CADPS: variants seen among roughly 807,000 people sequenced by gnomAD.
CADPS encodes calcium-dependent secretion activator 1.
Under a neutral mutation model 167.3 loss-of-function variants are expected in CADPS, and 57 were observed. That is an observed-to-expected ratio of 0.34 (90% CI 0.28 to 0.42). The LOEUF (loss-of-function observed/expected upper bound fraction) is 0.42, where lower values mean the gene tolerates loss of function less well. CADPS is among the 20% of genes least tolerant of loss of function. The pLI is 1.00. For synonymous variants in CADPS, 676 were observed against 635.3 expected, an observed-to-expected ratio of 1.06 and a Z score of -0.96; for missense variants, 1,414 against 1,738.1, an observed-to-expected ratio of 0.81 and a Z score of 3.32.
At chr3:62,439,787 T>G (rs2055924857) in intron 27 of CADPS, 1 of 152,108 alleles carries the variant, frequency 6.6e-6, no homozygotes, top group Non-Finnish European at 1.5e-5. Context: ...AGGTACAAAG[T>G]CAAGTGCGGC....
intron 8 of CADPS, 121 bp from the exon 9 acceptor site, chr3:62,571,059 C>T (rs985782050): frequency 2.1e-5 from 15 of 718,828 alleles, no homozygotes; most frequent in Admixed American, 4.7e-5. Flanking sequence ...AGGAACGGGG[C>T]GCAGATTTTG....
chr3:62,828,416 C>T (rs1039543083), intron 1 of CADPS, among the ~76,000 whole-genome samples: 7 of 152,066 alleles, frequency 4.6e-5, no homozygotes, highest in Non-Finnish European at 8.8e-5. Flanking sequence ...TGGGCAAAAA[C>T]GTGGAACTAC....
At chr3:62,621,808 T>G (rs13319381) in intron 6 of CADPS, among the ~76,000 whole-genome samples, 3,101 of 152,158 alleles carry the variant, frequency 0.02, 99 homozygotes, top group African/African-American at 0.07. Context: ...TTCCCATCAT[T>G]TAGCTCCCAC....
chr3:62,703,157 A>G (rs1580764177), intron 3 of CADPS, among the ~76,000 whole-genome samples: 1 of 152,204 alleles, frequency 6.6e-6, no homozygotes, highest in East Asian at 1.9e-4. Flanking sequence ...AGAATTATTT[A>G]CAAGCTATTA....
rs2073614307 is a variant in CADPS at position 62,662,912 on chromosome 3, C to T, written c.889-518G>A. On this transcript the variant is annotated intron_variant, in intron 3 of 29. Transcript: ENST00000383710. ...TACCAGCCCTCCAGATGGCTACTTC[C>T]AATCAGCTGGTGTTGATATCTAAGT... Among the ~76,000 whole-genome samples the T allele has an allele frequency of 2.6e-5, 4 of 152,270 alleles. No individual in the cohort carries two copies. In the South Asian group the frequency reaches 8.3e-4, roughly 32 times the overall value.
chr3:62,529,901 G>A (rs763362816), intron 13 of CADPS, among the ~76,000 whole-genome samples: 1 of 152,184 alleles, frequency 6.6e-6, no homozygotes, highest in African/African-American at 2.4e-5. Flanking sequence ...TAAAATGTCA[G>A]TGTTAATTTT....
intron 9 of CADPS, among the ~76,000 whole-genome samples, chr3:62,569,867 T>G (rs2080972347): frequency 6.6e-6 from 1 of 152,242 alleles, no homozygotes; most frequent in South Asian, 2.1e-4. Context: ...ACTGGAAAAC[T>G]TTGTAAACTG....
chr3:62,606,408 G>C (rs540793526), intron 6 of CADPS, among the ~76,000 whole-genome samples: 42 of 152,034 alleles, frequency 2.8e-4, no homozygotes, highest in Non-Finnish European at 5.7e-4. Context: ...TTTATAAAAA[G>C]AGGAAAAGAG....
chr3:62,552,890 C>G (rs1202532686), intron 10 of CADPS, among the ~76,000 whole-genome samples: 1 of 151,964 alleles, frequency 6.6e-6, no homozygotes, highest in Admixed American at 6.6e-5. Context: ...TTTAAAATAC[C>G]TAATTTGAGT....
chr3:62,717,461 C>T (rs1039180984), intron 3 of CADPS, among the ~76,000 whole-genome samples: 30 of 152,086 alleles, frequency 2.0e-4, no homozygotes, highest in East Asian at 3.9e-4. Flanking sequence ...ATTTTGACTC[C>T]GCCCTCCTCC....
Position 62,874,532 on chromosome 3 carries a change from C to T in CADPS, c.441+57G>A, listed in dbSNP as rs1353326820. 19 of 1,378,610 alleles carry T rather than the reference C, an allele frequency of 1.4e-5. No individual in the cohort carries two copies. In the Admixed American group the frequency reaches 3.5e-4, roughly 25 times the overall value. The allele number at this position is 1,378,610 out of a possible 1,614,324, so 85.4% of individuals were successfully genotyped here. ...CTGCGCCGCCAGCTCCCATTGTTCA[C>T]CCCGCCCGCCTGGCGACGTCCGGGT... On this transcript the variant is annotated intron_variant, in intron 1 of 29. Coordinates refer to ENST00000383710, the MANE Select transcript of CADPS (RefSeq NM_003716.4). The surrounding 1 kb of genome is among the most constrained non-coding windows in gnomAD (Gnocchi z 7.1).
At chr3:62,766,350 G>C (rs1372748449) in intron 1 of CADPS, among the ~76,000 whole-genome samples, 1 of 152,006 alleles carries the variant, frequency 6.6e-6, no homozygotes, top group Non-Finnish European at 1.5e-5. Context: ...TCTCTTCCCA[G>C]CTCCACATTC....
intron 14 of CADPS, 86 bp from the exon 15 acceptor site, chr3:62,516,729 C>T: frequency 3.2e-6 from 3 of 923,612 alleles, no homozygotes; most frequent in Non-Finnish European, 5.2e-6. Context: ...TAGCAACTCT[C>T]TCTGAGGAAT....
At chr3:62,568,123 C>T (rs1166666608) in intron 9 of CADPS, among the ~76,000 whole-genome samples, 2 of 152,086 alleles carry the variant, frequency 1.3e-5, no homozygotes, top group Non-Finnish European at 2.9e-5. Flanking sequence ...AGGAGAGATG[C>T]AAGGATGGAA....
Position 62,596,088 on chromosome 3 carries a change from TACACACACACACACACACACAC to T in CADPS, c.1326-3362_1326-3341del, listed in dbSNP as rs56780830. On this transcript the variant is annotated intron_variant, in intron 6 of 29. Coordinates refer to ENST00000383710, the MANE Select transcript of CADPS (RefSeq NM_003716.4). ...TAACTCCCGTTTTTATATATATGTATACACACACACACACACACACACACACACACACACACACACACACACA... is the reference window on the plus strand; with the variant it reads ...TAACTCCCGTTTTTATATATATGTATACACACACACACACACACACACACA... Among the ~76,000 whole-genome samples, 862 of 135,936 alleles carry T rather than the reference TACACACACACACACACACACAC, an allele frequency of 6.3e-3. 1 individual carries two copies. The highest frequency in any genetic ancestry group is 0.04 in the Middle Eastern group (11 of 276). 89.2% of individuals were successfully genotyped at this position (135,936 alleles called of 152,430 possible).
At chr3:62,684,431 A>G (rs1012444983) in intron 3 of CADPS, among the ~76,000 whole-genome samples, 5 of 151,986 alleles carry the variant, frequency 3.3e-5, no homozygotes, top group African/African-American at 1.2e-4. Context: ...AGAATCAGCC[A>G]TTTCAAACAA....
rs73842989 is a variant in CADPS, at chr3:62,659,797, C to T, written c.969+2517G>A. Among the ~76,000 whole-genome samples the T allele has an allele frequency of 4.6e-3, 707 of 152,262 alleles. 7 individuals are homozygous for T. The highest frequency in any genetic ancestry group is 0.016 in the African/African-American group (655 of 41,554). ...AAGAGCTCACTCCAGGACCAGTTAG[C>T]TATATAGCAAGGGGGCCACTGGCAT... On this transcript the variant is annotated intron_variant, in intron 4 of 29. Transcript: ENST00000383710.
chr3:62,473,713 T>C (rs537837086), intron 24 of CADPS: 1 of 152,518 alleles, frequency 6.6e-6, no homozygotes, highest in Admixed American at 6.5e-5. Context: ...TTTTGGAAAT[T>C]CAGAACCTGC....
At chr3:62,837,844 A>G (rs2153025047) in intron 1 of CADPS, among the ~76,000 whole-genome samples, 1 of 152,316 alleles carries the variant, frequency 6.6e-6, no homozygotes, top group South Asian at 2.1e-4. Context: ...GGAAAATTGT[A>G]ACTATAAGAC....
Sources: allele counts gnomAD v4.1 joint callset (sites outside exome capture counted in the v4.1 genomes callset), GRCh38; gene constraint gnomAD v4.1.1; non-coding constraint Gnocchi (gnomAD v3.1); transcripts MANE v1.5; gene names NCBI Gene and HGNC (gene_info 2026-07-23, HGNC 2026-07-21).